The following KIF16B variants were observed in gnomAD, a reference collection of about 807,000 sequenced individuals.
KIF16B encodes the protein kinesin family member 16B.
KIF16B carries 98 observed loss-of-function variants against 156.3 expected under a neutral mutation model. That is an observed-to-expected ratio of 0.63 (90% CI 0.53 to 0.74). KIF16B has a LOEUF of 0.74. Ranked by LOEUF, KIF16B falls within the 30% of genes least tolerant of loss-of-function variation. KIF16B has a pLI of 0.00. For missense variants in KIF16B, 1,421 were observed against 1,606.5 expected (o/e 0.88, Z 1.97); for synonymous variants, 564 against 583.7 (o/e 0.97, Z 0.49).
rs145902455 is a variant in KIF16B at position 16,447,973 on chromosome 20, C to T, written c.1303-17991G>A. Among the ~76,000 whole-genome samples the T allele has an allele frequency of 3.2e-4, 49 of 152,250 alleles. No homozygotes were observed. The East Asian group carries it at 9.3e-3, about 29-fold the overall frequency. On this transcript the variant is annotated intron_variant, in intron 12 of 25. Transcript: ENST00000354981. ...CTTTAATAACAAAACAAAACATGGA[C>T]AGGTGTGTGAAGTAAAACACAAAAC...
At chr20:16,398,039 G>A (rs1240840034) in intron 17 of KIF16B, among the ~76,000 whole-genome samples, 1 of 152,176 alleles carries the variant, frequency 6.6e-6, no homozygotes, top group Non-Finnish European at 1.5e-5. Context: ...AACATCAAAT[G>A]AACAAATTTG....
intron 10 of KIF16B, among the ~76,000 whole-genome samples, chr20:16,503,091 C>T (rs1403333729): frequency 6.6e-6 from 1 of 152,058 alleles, no homozygotes; most frequent in Admixed American, 6.5e-5. Flanking sequence ...TGGCAGGCAC[C>T]TCCCAGCTAC....
chr20:16,442,632 T>G (rs989497304), intron 12 of KIF16B, among the ~76,000 whole-genome samples: 2 of 152,104 alleles, frequency 1.3e-5, no homozygotes, highest in African/African-American at 4.8e-5. Flanking sequence ...GTTTATCTCT[T>G]TTGCAAGCTA....
chr20:16,303,987 C>G (rs552788171), intron 25 of KIF16B, among the ~76,000 whole-genome samples: 136 of 152,196 alleles, frequency 8.9e-4, no homozygotes, highest in African/African-American at 3.1e-3. Context: ...AGAGTTTAAC[C>G]TGGGAGCCCA....
intron 15 of KIF16B, among the ~76,000 whole-genome samples, chr20:16,422,576 C>T (rs1178154917): frequency 6.6e-6 from 1 of 152,020 alleles, no homozygotes; most frequent in Non-Finnish European, 1.5e-5. Context: ...ATCCAGCAGC[C>T]AGTATGGATG....
At chr20:16,377,685 A>T (rs571688750) in intron 19 of KIF16B, among the ~76,000 whole-genome samples, 32 of 152,260 alleles carry the variant, frequency 2.1e-4, no homozygotes, top group African/African-American at 7.5e-4. Flanking sequence ...AAGGGGCTGA[A>T]CCAGGCCATA....
In KIF16B at chr20:16,326,047, G is replaced by A. The variant is rs116071372; in HGVS notation, c.3711+9879C>T. ...AAAGCAAATAAAAACATAAAGTGGG[G>A]ACAGGACACCTTATTCAACAAATGG... On this transcript the variant is annotated intron_variant, in intron 24 of 25. Coordinates refer to ENST00000354981, the MANE Select transcript of KIF16B (RefSeq NM_024704.5). 1.5e-3 allele frequency among the ~76,000 whole-genome samples: 224 copies of A among 152,208 alleles called. 2 individuals carry two copies. Among genetic ancestry groups the A allele is most frequent in the African/African-American group, 5.2e-3 (214 of 41,540 alleles).
intron 22 of KIF16B, among the ~76,000 whole-genome samples, chr20:16,356,731 A>G (rs1303298447): frequency 1.3e-5 from 2 of 152,240 alleles, no homozygotes; most frequent in African/African-American, 4.8e-5. Flanking sequence ...TTATAAGAAC[A>G]AGTAAAAACA....
intron 22 of KIF16B, among the ~76,000 whole-genome samples, chr20:16,359,654 C>CA (rs577102110): frequency 0.02 from 1,599 of 78,448 alleles, 8 homozygotes; most frequent in South Asian, 0.072. Flanking sequence ...AGATTCTTTA[C>CA]AAAAAAAAAA....
intron 15 of KIF16B, among the ~76,000 whole-genome samples, chr20:16,413,651 T>C (rs190727278): frequency 6.6e-6 from 1 of 152,174 alleles, no homozygotes; most frequent in East Asian, 1.9e-4. Flanking sequence ...GAGAGGCCCT[T>C]TGTAATTCTG....
intron 24 of KIF16B, among the ~76,000 whole-genome samples, chr20:16,334,900 T>G (rs1394714470): frequency 1.3e-5 from 2 of 152,214 alleles, no homozygotes; most frequent in African/African-American, 4.8e-5. Flanking sequence ...CTGGTAATCC[T>G]TTATAGCAAT....
At chr20:16,368,629 T>C in intron 22 of KIF16B, 2 of 985,932 alleles carry the variant, frequency 2.0e-6, no homozygotes, top group Non-Finnish European at 2.4e-6. Context: ...TGTTCTGATA[T>C]TTACCAGTGA....
At chr20:16,554,170 G>A (rs1010618353) in intron 1 of KIF16B, among the ~76,000 whole-genome samples, 10 of 152,212 alleles carry the variant, frequency 6.6e-5, no homozygotes, top group African/African-American at 2.4e-4. Flanking sequence ...TGCGGACCAG[G>A]CTGCCAATCC....
intron 17 of KIF16B, among the ~76,000 whole-genome samples, chr20:16,392,572 CAT>C (rs899858361): frequency 1.2e-4 from 18 of 152,220 alleles, no homozygotes; most frequent in African/African-American, 4.1e-4. Flanking sequence ...CCACCTGACA[CAT>C]GTGTACGCCT....
At chr20:16,506,236 T>G in intron 7 of KIF16B, 46 bp from the exon 8 acceptor site, 2 of 1,432,994 alleles carry the variant, frequency 1.4e-6, no homozygotes, top group Non-Finnish European at 2.0e-6. Flanking sequence ...CAAAGGGCCC[T>G]GATGTTGTTG....
chr20:16,559,959 T>G (rs1022239712), intron 1 of KIF16B, among the ~76,000 whole-genome samples: 3 of 152,148 alleles, frequency 2.0e-5, no homozygotes, highest in African/African-American at 7.2e-5. Flanking sequence ...CTTTCCGGTT[T>G]TGATAATTAT....
chr20:16,531,164 AATAG>A (rs779333402), intron 1 of KIF16B, among the ~76,000 whole-genome samples: 2 of 152,208 alleles, frequency 1.3e-5, no homozygotes, highest in African/African-American at 4.8e-5. Context: ...AACCAACTGA[AATAG>A]ATAGAATATA....
chr20:16,517,982 T>C (rs1373391376), intron 3 of KIF16B, among the ~76,000 whole-genome samples: 1 of 152,152 alleles, frequency 6.6e-6, no homozygotes, highest in Non-Finnish European at 1.5e-5. Context: ...AGGGTTAAAA[T>C]CTATGCCTAC....
intron 23 of KIF16B, among the ~76,000 whole-genome samples, chr20:16,354,820 C>T (rs1241868810): frequency 1.3e-5 from 2 of 152,106 alleles, no homozygotes; most frequent in African/African-American, 4.8e-5. Flanking sequence ...GTGGCACATG[C>T]CTGTAATCCC....
Sources: allele counts gnomAD v4.1 joint callset (sites outside exome capture counted in the v4.1 genomes callset), GRCh38; gene constraint gnomAD v4.1.1; transcripts MANE v1.5; gene names NCBI Gene and HGNC (gene_info 2026-07-23, HGNC 2026-07-21).